The following CYTH3 variants were observed in gnomAD, a reference collection of about 807,000 sequenced individuals.
CYTH3 encodes cytohesin-3.
In CYTH3, 23 loss-of-function variants were observed where a neutral mutation model predicts 55.1. The observed-to-expected ratio is 0.42, with a 90% CI of 0.30 to 0.59. The LOEUF (loss-of-function observed/expected upper bound fraction) is 0.59, where lower values mean the gene tolerates loss of function less well. Among genes scored for constraint, CYTH3 ranks in the 20% least tolerant of loss-of-function variants. The probability of loss-of-function intolerance (pLI) is 0.20; values close to 1 mark genes in which losing one functional copy is unlikely to be tolerated. For missense variants in CYTH3, 413 were observed against 524.8 expected, an observed-to-expected ratio of 0.79 and a Z score of 2.08; for synonymous variants, 249 against 194.9, an observed-to-expected ratio of 1.28 and a Z score of -2.31.
intron 1 of CYTH3, among the ~76,000 whole-genome samples, chr7:6,196,667 G>C (rs1336768669): frequency 6.6e-6 from 1 of 151,918 alleles, no homozygotes; most frequent in Non-Finnish European, 1.5e-5. Context: ...CACCGTGTTG[G>C]CCAGGCTGGT....
intron 1 of CYTH3, among the ~76,000 whole-genome samples, chr7:6,201,738 G>A (rs114184160): frequency 1.3e-5 from 2 of 152,130 alleles, no homozygotes; most frequent in South Asian, 2.1e-4. Context: ...TTGCTCTCAA[G>A]TTCTTAGGGT....
chr7:6,234,403 C>A (rs962341857), intron 1 of CYTH3, among the ~76,000 whole-genome samples: 3 of 152,226 alleles, frequency 2.0e-5, no homozygotes, highest in Non-Finnish European at 4.4e-5. Context: ...GCCACAGAGC[C>A]TATTGGAGGA....
At chr7:6,189,693 G>A (rs564326584) in intron 2 of CYTH3, among the ~76,000 whole-genome samples, 1 of 151,970 alleles carries the variant, frequency 6.6e-6, no homozygotes, top group Non-Finnish European at 1.5e-5. Flanking sequence ...CACTCAAAGG[G>A]CATCTGAGAG....
At chr7:6,263,952 T>C (rs1780419693) in intron 1 of CYTH3, among the ~76,000 whole-genome samples, 1 of 149,498 alleles carries the variant, frequency 6.7e-6, no homozygotes, top group Non-Finnish European at 1.5e-5. Context: ...ATAATCTTTT[T>C]AAAACCAATT....
intron 4 of CYTH3, among the ~76,000 whole-genome samples, chr7:6,184,867 C>G (rs775214388): frequency 1.3e-5 from 2 of 152,144 alleles, no homozygotes; most frequent in Non-Finnish European, 2.9e-5. Flanking sequence ...CGTAAGCCAC[C>G]GCACCAGGAC....
At chr7:6,186,061 A>T (rs190860178) in intron 4 of CYTH3, among the ~76,000 whole-genome samples, 2 of 151,556 alleles carry the variant, frequency 1.3e-5, no homozygotes, top group African/African-American at 2.4e-5. Context: ...TGGCTAACAC[A>T]GTGAAACCCC....
intron 10 of CYTH3, 21 bp from the exon 11 acceptor site, chr7:6,165,637 G>C: frequency 6.2e-7 from 1 of 1,613,410 alleles, no homozygotes; most frequent in Non-Finnish European, 8.5e-7. Flanking sequence ...AAAGTACACG[G>C]CGGGGCTCAC....
intron 1 of CYTH3, among the ~76,000 whole-genome samples, chr7:6,200,364 AAGATGGAGTTTCAC>A (rs1367113202): frequency 6.6e-6 from 1 of 152,218 alleles, no homozygotes; most frequent in Non-Finnish European, 1.5e-5. Context: ...CTCCTGGAGA[AAGATGGAGTTTCAC>A]AGTTATGAAC....
chr7:6,186,661 C>T (rs1051756036), intron 4 of CYTH3, among the ~76,000 whole-genome samples: 2 of 152,180 alleles, frequency 1.3e-5, no homozygotes, highest in African/African-American at 4.8e-5. Context: ...ACCAGGGTTC[C>T]ACTCCCACCC....
At chr7:6,213,940 C>A (rs1343326190) in intron 1 of CYTH3, among the ~76,000 whole-genome samples, 2 of 152,144 alleles carry the variant, frequency 1.3e-5, no homozygotes, top group Non-Finnish European at 2.9e-5. Context: ...GAGTTATTCT[C>A]AGCATCCTTT....
In CYTH3 at chr7:6,163,955, C is replaced by G. The variant is rs1782913768; in HGVS notation, c.*989G>C. On this transcript the variant is annotated 3_prime_UTR_variant, in exon 13 of 13. Transcript: ENST00000350796. ...TGTGTGCATCTAAACAAAACATCAG[C>G]AGTTTCACGTGGCTCAGCGTATGGA... 1 of 152,252 alleles carries G rather than the reference C, an allele frequency of 6.6e-6. No individual in the cohort carries two copies. Among genetic ancestry groups the G allele is most frequent in the Non-Finnish European group, 1.5e-5 (1 of 68,046 alleles). 9.4% of individuals were successfully genotyped at this position (152,252 alleles called of 1,614,324 possible).
chr7:6,230,695 C>T (rs1779372123), intron 1 of CYTH3, among the ~76,000 whole-genome samples: 4 of 152,060 alleles, frequency 2.6e-5, no homozygotes, highest in Admixed American at 2.6e-4. Context: ...GGATCCAATG[C>T]AGCCATGTAA....
At chr7:6,166,967 C>A (rs1321905579) in intron 9 of CYTH3, among the ~76,000 whole-genome samples, 2 of 152,166 alleles carry the variant, frequency 1.3e-5, no homozygotes, top group African/African-American at 2.4e-5. Flanking sequence ...AATCTGCCCC[C>A]AAGCTCTCTG....
chr7:6,192,301 T>C (rs1783819380), intron 1 of CYTH3, among the ~76,000 whole-genome samples: 1 of 152,054 alleles, frequency 6.6e-6, no homozygotes, highest in African/African-American at 2.4e-5. Context: ...CACTGTAGCC[T>C]TGAACTCCTG....
chr7:6,218,583 C>T (rs1784477654), intron 1 of CYTH3, among the ~76,000 whole-genome samples: 4 of 152,118 alleles, frequency 2.6e-5, no homozygotes, highest in Admixed American at 6.6e-5. Context: ...TAGGGTGCAG[C>T]TATAACAAAT....
chr7:6,223,531 A>AC (rs1278072701), intron 1 of CYTH3, among the ~76,000 whole-genome samples: 1 of 151,998 alleles, frequency 6.6e-6, no homozygotes, highest in Admixed American at 6.6e-5. Flanking sequence ...CTATAACCTT[A>AC]CCCCCAACCC....
At chr7:6,174,191 G>A (rs1216449111) in intron 5 of CYTH3, among the ~76,000 whole-genome samples, 2 of 151,734 alleles carry the variant, frequency 1.3e-5, no homozygotes, top group Admixed American at 6.6e-5. Context: ...TCAACTCACC[G>A]AAATCTCTGC....
intron 4 of CYTH3, among the ~76,000 whole-genome samples, chr7:6,186,646 T>C (rs1182383525): frequency 6.6e-6 from 1 of 152,206 alleles, no homozygotes; most frequent in African/African-American, 2.4e-5. Context: ...CCGTAACCTC[T>C]GGACACCAGG....
chr7:6,268,653 G>T (rs917905926), intron 1 of CYTH3, among the ~76,000 whole-genome samples: 1 of 152,120 alleles, frequency 6.6e-6, no homozygotes. Context: ...TATCTCACAC[G>T]TGTACAAATA....
Sources: allele counts gnomAD v4.1 joint callset (sites outside exome capture counted in the v4.1 genomes callset), GRCh38; gene constraint gnomAD v4.1.1; transcripts MANE v1.5; gene names NCBI Gene and HGNC (gene_info 2026-07-23, HGNC 2026-07-21).